PUS10: variants seen among roughly 807,000 people sequenced by gnomAD.
The protein encoded by PUS10 is pseudouridine synthase 10, also known as tRNA pseudouridine synthase Pus10.
Under a neutral mutation model 75.0 loss-of-function variants are expected in PUS10, and 59 were observed. The ratio of observed to expected loss-of-function variants is 0.79; its 90% CI spans 0.64 to 0.98. The LOEUF is 0.98. PUS10 is among the 50% of genes least tolerant of loss of function. PUS10 has a pLI of 0.00. For missense variants in PUS10, 650 were observed against 614.4 expected (o/e 1.06, Z -0.61); for synonymous variants, 219 against 211.6 (o/e 1.03, Z -0.30).
chr2:61,015,632 G>A (rs1017561824), intron 1 of PUS10, among the ~76,000 whole-genome samples: 1 of 152,200 alleles, frequency 6.6e-6, no homozygotes. Context: ...CCAGGAGGCA[G>A]AGGTTGCAGA....
At chr2:60,991,928 A>T (rs1218701842) in intron 4 of PUS10, among the ~76,000 whole-genome samples, 4 of 152,122 alleles carry the variant, frequency 2.6e-5, no homozygotes, top group African/African-American at 9.7e-5. Flanking sequence ...CTGGGGCCAG[A>T]CCAATAAAGC....
intron 4 of PUS10, among the ~76,000 whole-genome samples, chr2:60,987,460 G>GA (rs1677792876): frequency 6.6e-6 from 1 of 151,952 alleles, no homozygotes; most frequent in Non-Finnish European, 1.5e-5. Flanking sequence ...AAAGGAAGAA[G>GA]AAAAAAGGAA....
intron 5 of PUS10, 77 bp downstream of exon 5, chr2:60,971,446 G>T: frequency 1.6e-6 from 2 of 1,249,420 alleles, no homozygotes; most frequent in Non-Finnish European, 2.4e-6. Flanking sequence ...AATAGAGATT[G>T]TAGTAGTAAA....
In PUS10 at chr2:61,018,116, A is replaced by T; in HGVS notation, c.-124T>A. 6.5e-7 allele frequency: 1 copy of T among 1,547,104 alleles called. No homozygotes were observed. The highest frequency in any genetic ancestry group is 8.7e-7 in the Non-Finnish European group (1 of 1,145,414). On this transcript the variant is annotated 5_prime_UTR_variant, in exon 1 of 18. Coordinates refer to ENST00000316752, the MANE Select transcript of PUS10 (RefSeq NM_144709.4). ...TCTCTGGGTCTCTGTGCTTGAAAGA[A>T]AGGGGGGCGGCTTCCTACCTACCGC...
At chr2:60,973,212 G>A (rs1159029190) in intron 4 of PUS10, among the ~76,000 whole-genome samples, 3 of 152,256 alleles carry the variant, frequency 2.0e-5, no homozygotes, top group African/African-American at 7.2e-5. Flanking sequence ...CGTGGGGCCA[G>A]CCCTGAAAGT....
chr2:60,955,176 TA>T, intron 11 of PUS10, 102 bp from the exon 12 acceptor site: 1 of 609,592 alleles, frequency 1.6e-6, no homozygotes, highest in Non-Finnish European at 2.7e-6. Context: ...TTGAACAATC[TA>T]TAGGAGAATC....
chr2:60,969,386 T>C (rs1373372952), intron 5 of PUS10, among the ~76,000 whole-genome samples: 1 of 152,208 alleles, frequency 6.6e-6, no homozygotes, highest in African/African-American at 2.4e-5. Context: ...CAATTTGGGC[T>C]AAATATCTTC....
chr2:60,996,939 G>A lies in PUS10; in HGVS notation c.468+9618C>T, dbSNP rs184017794. 4.8e-4 allele frequency among the ~76,000 whole-genome samples: 73 copies of A among 152,304 alleles called. 1 individual carries two copies. The highest frequency in any genetic ancestry group is 1.6e-3 in the African/African-American group (68 of 41,570). On this transcript the variant is annotated intron_variant, in intron 4 of 17. Transcript: ENST00000316752. ...GGGTTTACACTTGGGTGGTGGCCTGGATAAGACTCTGACAAATCACAACCA... is the reference window on the plus strand; with the variant it reads ...GGGTTTACACTTGGGTGGTGGCCTGAATAAGACTCTGACAAATCACAACCA...
chr2:60,990,903 C>T (rs535572973), intron 4 of PUS10, among the ~76,000 whole-genome samples: 8 of 152,234 alleles, frequency 5.3e-5, no homozygotes. Context: ...CACCACCAAG[C>T]CCAGATAACT....
chr2:60,982,815 A>T (rs993638461), intron 4 of PUS10, among the ~76,000 whole-genome samples: 37 of 152,198 alleles, frequency 2.4e-4, no homozygotes, highest in South Asian at 6.2e-4. Context: ...TAAATATCCT[A>T]AATAAAATAT....
rs1677194250 is a variant in PUS10 at position 60,978,703 on chromosome 2, T to C, written c.469-7146A>G. Among the ~76,000 whole-genome samples the C allele has an allele frequency of 2.6e-5, 4 of 152,300 alleles. No individual in the cohort carries two copies. The South Asian group carries it at 6.2e-4, about 24-fold the overall frequency. Reference sequence around the variant, plus strand: ...TTTAAGGAATGAAGTAGCATGATCATATTTGTCTTCAGGAATGCCCACTCT... The same window carrying C: ...TTTAAGGAATGAAGTAGCATGATCACATTTGTCTTCAGGAATGCCCACTCT... On this transcript the variant is annotated intron_variant, in intron 4 of 17. Coordinates refer to ENST00000316752, the MANE Select transcript of PUS10 (RefSeq NM_144709.4).
chr2:60,943,655 A>G (rs1401758806), intron 17 of PUS10, among the ~76,000 whole-genome samples: 2 of 152,082 alleles, frequency 1.3e-5, no homozygotes, highest in South Asian at 2.1e-4. Context: ...ACAAATCTCA[A>G]GAAGATATTT....
In PUS10 at chr2:61,018,020, T is replaced by C. The variant is rs1680129140; in HGVS notation, c.-28A>G. 5 of 1,390,030 alleles carry C rather than the reference T, an allele frequency of 3.6e-6. No homozygotes were observed. The highest frequency in any genetic ancestry group is 2.5e-5 in the East Asian group (1 of 40,106). The allele number at this position is 1,390,030 out of a possible 1,614,324, so 86.1% of individuals were successfully genotyped here. ...CTGGGGCGCTTACCAGTGGGGACTT[T>C]AGTGTCTCACAGCTGTTTCTGACCC... On this transcript the variant is annotated 5_prime_UTR_variant, in exon 1 of 18. Coordinates refer to ENST00000316752, the MANE Select transcript of PUS10 (RefSeq NM_144709.4).
intron 1 of PUS10, among the ~76,000 whole-genome samples, chr2:61,015,604 C>T (rs958989738): frequency 1.3e-5 from 2 of 152,172 alleles, no homozygotes; most frequent in African/African-American, 4.8e-5. Context: ...GAGGCTGAGG[C>T]AGGAGAATCG....
intron 15 of PUS10, among the ~76,000 whole-genome samples, chr2:60,952,020 G>A (rs909992763): frequency 6.6e-6 from 1 of 152,126 alleles, no homozygotes; most frequent in Non-Finnish European, 1.5e-5. Context: ...GCCCATGTAT[G>A]CTCATTCCTT....
intron 4 of PUS10, among the ~76,000 whole-genome samples, chr2:60,981,040 G>A (rs1394602309): frequency 5.3e-5 from 8 of 151,936 alleles, no homozygotes; most frequent in African/African-American, 1.2e-4. Flanking sequence ...ACAGGCACGC[G>A]CCACCATGCC....
At chr2:60,967,071 T>G (rs1274160119) in intron 6 of PUS10, 1 of 157,910 alleles carries the variant, frequency 6.3e-6, no homozygotes, top group African/African-American at 2.4e-5. Context: ...CAAGGTAGGA[T>G]TGAGCCCATA....
chr2:60,967,490 T>C lies in PUS10; in HGVS notation c.615+12A>G, dbSNP rs1157822465. The C allele has an allele frequency of 6.7e-7, 1 of 1,487,144 alleles. No individual in the cohort carries two copies. The highest frequency in any genetic ancestry group is 9.3e-7 in the Non-Finnish European group (1 of 1,074,096). 92.1% of individuals were successfully genotyped at this position (1,487,144 alleles called of 1,614,324 possible). A position where few individuals can be genotyped will look rare whatever the true frequency, so the allele number is the denominator to read the frequency against. ...TCAGAGAATAAAATTAACAATGCTG[T>C]TGACCCAATACCTTTCCATCAATGG... On this transcript the variant is annotated intron_variant, in intron 6 of 17. Coordinates refer to ENST00000316752, the MANE Select transcript of PUS10 (RefSeq NM_144709.4).
Position 60,952,985 on chromosome 2 carries a change from C to A in PUS10, c.1308+12G>T, listed in dbSNP as rs1675435701. The A allele has an allele frequency of 5.5e-6, 7 of 1,283,826 alleles. No individual in the cohort carries two copies. The highest frequency in any genetic ancestry group is 5.6e-6 in the Non-Finnish European group (5 of 885,036). 79.5% of individuals were successfully genotyped at this position (1,283,826 alleles called of 1,614,324 possible). A position where few individuals can be genotyped will look rare whatever the true frequency, so the allele number is the denominator to read the frequency against. On this transcript the variant is annotated intron_variant, in intron 15 of 17. Transcript: ENST00000316752. ...AAAAATGAAATAAAAAGAATAAGCA[C>A]ACTTAAACTACCTTTATGTCATTTA...
Sources: gnomAD v4.1 joint callset for allele counts (sites outside exome capture counted in the v4.1 genomes callset) on GRCh38, gnomAD v4.1.1 for gene constraint, MANE v1.5 for transcripts, NCBI Gene and HGNC (gene_info 2026-07-23, HGNC 2026-07-21) for gene names.